SIK3: variants seen among roughly 807,000 people sequenced by gnomAD.
SIK3 encodes SIK family kinase 3.
Under a neutral mutation model 144.2 loss-of-function variants are expected in SIK3, and 28 were observed. That is an observed-to-expected ratio of 0.19 (90% CI 0.14 to 0.27). The LOEUF (loss-of-function observed/expected upper bound fraction) is 0.27. SIK3 is among the 10% of genes least tolerant of loss of function. SIK3 has a pLI of 1.00. For synonymous variants in SIK3, 686 were observed against 676.3 expected, an observed-to-expected ratio of 1.01 and a Z score of -0.22; for missense variants, 1,319 against 1,776.0, an observed-to-expected ratio of 0.74 and a Z score of 4.62.
Position 117,098,219 on chromosome 11 carries a change from T to C in SIK3, c.197A>G (p.Tyr66Cys). The C allele has an allele frequency of 6.7e-7, 1 of 1,503,526 alleles. No homozygotes were observed. The highest frequency in any genetic ancestry group is 8.9e-7 in the Non-Finnish European group (1 of 1,125,818). The allele number at this position is 1,503,526 out of a possible 1,614,324, so 93.1% of individuals were successfully genotyped here. A position where few individuals can be genotyped will look rare whatever the true frequency, so the allele number is the denominator to read the frequency against. The change falls in exon 1 of 25, where the codon TAC becomes TGC. Residue 66 changes from tyrosine to cysteine, a missense_variant. By Grantham distance (194) the Tyr-to-Cys change is radical. This residue lies in a region of SIK3 where 114 missense variants were observed against 116.2 expected (regional missense o/e 0.98). Coordinates refer to ENST00000445177, the MANE Select transcript of SIK3 (RefSeq NM_001366686.3). ...RGPMPARIGY[Y>C]EIDRTIGKGN... ...CTTGCCGATGGTGCGGTCGATCTCGTAGTAGCCGATACGGGCGGGCATGGG... is the reference window on the plus strand; with the variant it reads ...CTTGCCGATGGTGCGGTCGATCTCGCAGTAGCCGATACGGGCGGGCATGGG...
intron 7 of SIK3, among the ~76,000 whole-genome samples, 155 bp from the exon 8 acceptor site, chr11:116,876,518 G>A (rs1166959556): frequency 1.3e-5 from 2 of 152,218 alleles, no homozygotes; most frequent in African/African-American, 4.8e-5. Flanking sequence ...GTGATCAGCT[G>A]TAAACAGACA....
At chr11:116,975,994 G>A (rs1420304668) in intron 1 of SIK3, among the ~76,000 whole-genome samples, 1 of 151,924 alleles carries the variant, frequency 6.6e-6, no homozygotes, top group African/African-American at 2.4e-5. Flanking sequence ...ATGTGTTTGT[G>A]GACTAACTGC....
At chr11:117,016,383 AGAGGGAG>A in intron 1 of SIK3, among the ~76,000 whole-genome samples, 1 of 41,046 alleles carries the variant, frequency 2.4e-5, no homozygotes, top group East Asian at 6.3e-4. Flanking sequence ...AGGGAGGGAG[AGAGGGAG>A]GGAGGGAAGG....
chr11:116,966,073 T>A (rs1364905177), intron 1 of SIK3, among the ~76,000 whole-genome samples: 1 of 151,994 alleles, frequency 6.6e-6, no homozygotes, highest in African/African-American at 2.4e-5. Flanking sequence ...AAAAGCTAAA[T>A]GGTTTAACAA....
intron 4 of SIK3, among the ~76,000 whole-genome samples, chr11:116,922,173 T>C (rs1205068925): frequency 6.6e-6 from 1 of 152,230 alleles, no homozygotes; most frequent in Non-Finnish European, 1.5e-5. Flanking sequence ...AGAACTAGTA[T>C]GGACAGTTGT....
intron 1 of SIK3, among the ~76,000 whole-genome samples, chr11:117,039,074 G>A (rs1459842264): frequency 2.0e-5 from 3 of 151,714 alleles, no homozygotes; most frequent in Non-Finnish European, 4.4e-5. Flanking sequence ...AAGAAATATC[G>A]CACATTCACG....
rs1022209446 is a variant in SIK3 at position 117,009,258 on chromosome 11, A to C, written c.274-52194T>G. On this transcript the variant is annotated intron_variant, in intron 1 of 24. Coordinates refer to ENST00000445177, the MANE Select transcript of SIK3 (RefSeq NM_001366686.3). ...AAAAAAAAAAAAAAAAAAATCTATG[A>C]TGCAGGGCCAGGCATGATAGCTCAT... Among the ~76,000 whole-genome samples the C allele has an allele frequency of 1.8e-4, 26 of 147,740 alleles. 2 individuals are homozygous for C. The highest frequency in any genetic ancestry group is 1.2e-3 in the Admixed American group (18 of 14,770).
chr11:117,021,537 T>C (rs1011365230), intron 1 of SIK3, among the ~76,000 whole-genome samples: 1 of 152,196 alleles, frequency 6.6e-6, no homozygotes, highest in Non-Finnish European at 1.5e-5. Flanking sequence ...GCCTTTTAGT[T>C]AGCATACAGA....
chr11:116,985,992 A>G (rs1950312790), intron 1 of SIK3, among the ~76,000 whole-genome samples: 2 of 152,320 alleles, frequency 1.3e-5, no homozygotes, highest in South Asian at 4.1e-4. Context: ...CTGGGTTTCT[A>G]CTGGGCTGTG....
rs756970177 is a variant in SIK3, at chr11:116,849,145, G to A, written c.3794C>T (p.Thr1265Met). 1.9e-5 allele frequency: 30 copies of A among 1,609,400 alleles called. No individual in the cohort carries two copies. Among genetic ancestry groups the A allele is most frequent in the Admixed American group, 6.7e-5 (4 of 59,754 alleles). Residue 1265 changes from threonine (T) to methionine (M), a missense_variant, in exon 22 of 25, where the codon ACG becomes ATG. Around this residue, in one of 8 missense-constraint regions of SIK3, gnomAD observed 646 missense variants for 763.7 expected, o/e 0.85. Coordinates refer to ENST00000445177, the MANE Select transcript of SIK3 (RefSeq NM_001366686.3). This position sits in a 1 kb window ranked among gnomAD's most constrained non-coding sequence, Gnocchi z 4.2. Reference protein sequence around the residue: ...HRPRALQRHHTIQNSDDAYVQ... With the variant: ...HRPRALQRHHMIQNSDDAYVQ... The stretch of plus-strand genomic sequence containing the variant: ...ATAAGCATCGTCGCTGTTCTGGATC[G>A]TGTGGTGTCTCTGGAGGGCCCGGGG...
At chr11:117,067,115 G>A (rs544042058) in intron 1 of SIK3, among the ~76,000 whole-genome samples, 155 of 152,204 alleles carry the variant, frequency 1.0e-3, no homozygotes, top group Non-Finnish European at 1.9e-3. Flanking sequence ...AGACAATTTG[G>A]CAGTTTCTTT....
At chr11:117,064,885 C>G (rs1565609124) in intron 1 of SIK3, among the ~76,000 whole-genome samples, 1 of 152,150 alleles carries the variant, frequency 6.6e-6, no homozygotes, top group African/African-American at 2.4e-5. Flanking sequence ...GGCGGTGGCT[C>G]ACGCCTGTAA....
At chr11:116,982,560 T>A (rs1817351028) in intron 1 of SIK3, among the ~76,000 whole-genome samples, 2 of 151,914 alleles carry the variant, frequency 1.3e-5, no homozygotes, top group Non-Finnish European at 2.9e-5. Flanking sequence ...AGTGCTGGGA[T>A]TACAGGCGTG....
In SIK3 at chr11:117,098,427, G is replaced by A. The variant is rs1485448184; in HGVS notation, c.-12C>T. On this transcript the variant is annotated 5_prime_UTR_variant, in exon 1 of 25. Coordinates refer to ENST00000445177, the MANE Select transcript of SIK3 (RefSeq NM_001366686.3). ...GCCGCCGCCGCCATCTTGTTGTGCA[G>A]TGAAACCTCCGGGGCCGCGGGGAGC... is the stretch of plus-strand genomic sequence containing the variant. 1 of 1,143,486 alleles carries A rather than the reference G, an allele frequency of 8.7e-7. No homozygotes were observed. Among genetic ancestry groups the A allele is most frequent in the African/African-American group, 1.6e-5 (1 of 60,982 alleles). 70.8% of individuals were successfully genotyped at this position (1,143,486 alleles called of 1,614,324 possible).
intron 1 of SIK3, among the ~76,000 whole-genome samples, chr11:117,080,329 CT>C (rs56777911): frequency 0.39 from 59,651 of 151,996 alleles, 14,852 homozygotes; most frequent in African/African-American, 0.71. Flanking sequence ...GTGGCAACAT[CT>C]TACATGATTT....
chr11:116,978,431 T>A (rs1184790311), intron 1 of SIK3, among the ~76,000 whole-genome samples: 1 of 152,122 alleles, frequency 6.6e-6, no homozygotes, highest in Non-Finnish European at 1.5e-5. Context: ...TTCTTTATAA[T>A]CTTACCATAT....
At chr11:117,008,458 TA>T (rs1951133285) in intron 1 of SIK3, among the ~76,000 whole-genome samples, 1 of 130,228 alleles carries the variant, frequency 7.7e-6, no homozygotes, top group Non-Finnish European at 1.6e-5. Context: ...TTTGTTAACA[TA>T]AAGGCAAAAG....
intron 6 of SIK3, among the ~76,000 whole-genome samples, chr11:116,878,442 C>T (rs958312740): frequency 2.0e-5 from 3 of 149,340 alleles, no homozygotes; most frequent in Non-Finnish European, 4.4e-5. Flanking sequence ...GTGCAGTGTG[C>T]GATCTCGGCT....
At chr11:116,855,079 C>A (rs1942774776) in intron 21 of SIK3, among the ~76,000 whole-genome samples, 1 of 57,462 alleles carries the variant, frequency 1.7e-5, no homozygotes, top group Non-Finnish European at 2.9e-5. Flanking sequence ...GTGTGAGACT[C>A]TGCCAAAAAA....
Sources: gnomAD v4.1 joint callset for allele counts (sites outside exome capture counted in the v4.1 genomes callset) on GRCh38, gnomAD v4.1.1 for gene constraint, gnomAD v4.1.1 regional missense constraint, Gnocchi (gnomAD v3.1) non-coding constraint, MANE v1.5 for transcripts, NCBI Gene and HGNC (gene_info 2026-07-23, HGNC 2026-07-21) for gene names.